The following SLC5A4 variants were observed in gnomAD, a reference collection of about 807,000 sequenced individuals.
The protein encoded by SLC5A4 is probable glucose sensor protein SLC5A4.
A neutral mutation model predicts 70.3 loss-of-function variants in SLC5A4; 55 were observed. The ratio of observed to expected loss-of-function variants is 0.78; its 90% CI spans 0.63 to 0.98. The LOEUF is 0.98. Ranked by LOEUF, SLC5A4 falls within the 50% of genes least tolerant of loss-of-function variation. The pLI is 0.00. For synonymous variants in SLC5A4, 268 were observed against 305.7 expected, an observed-to-expected ratio of 0.88 and a Z score of 1.29; for missense variants, 735 against 839.2, an observed-to-expected ratio of 0.88 and a Z score of 1.53.
the SLC5A4 span, among the ~76,000 whole-genome samples, chr22:32,287,135 T>A: frequency 6.6e-6 from 1 of 152,200 alleles, no homozygotes; most frequent in Non-Finnish European, 1.5e-5. Flanking sequence ...TTTAAGGACA[T>A]TGTATTACAA....
the SLC5A4 span, chr22:32,273,476 G>A: frequency 6.3e-6 from 1 of 158,606 alleles, no homozygotes. Flanking sequence ...AGTGATAGAC[G>A]CCTTTTCTAA....
the SLC5A4 span, chr22:32,327,128 C>A: frequency 6.6e-6 from 1 of 152,234 alleles, no homozygotes; most frequent in African/African-American, 2.4e-5. Flanking sequence ...ACATAATACC[C>A]AAGAGAGATG....
the SLC5A4 span, among the ~76,000 whole-genome samples, chr22:32,349,236 G>T: frequency 6.6e-6 from 1 of 151,372 alleles, no homozygotes; most frequent in Non-Finnish European, 1.5e-5. Context: ...GCCTCCCAAG[G>T]TGCTGGGATT....
the SLC5A4 span, among the ~76,000 whole-genome samples, chr22:32,315,247 A>G: frequency 6.6e-6 from 1 of 151,090 alleles, no homozygotes; most frequent in African/African-American, 2.4e-5. Context: ...AAGCCAATCT[A>G]AAGATTATGA....
the SLC5A4 span, among the ~76,000 whole-genome samples, chr22:32,324,978 G>C: frequency 2.0e-5 from 3 of 152,384 alleles, no homozygotes; most frequent in Admixed American, 6.5e-5. Context: ...TGTGAGTGCA[G>C]GAAGCTGTTC....
intron 3 of SLC5A4, among the ~76,000 whole-genome samples, chr22:32,251,149 C>CAAAAAAAAAAAAAAAAAAAAAAAAAAAAA (rs1169115054): frequency 3.1e-4 from 7 of 22,764 alleles, no homozygotes; most frequent in South Asian, 2.8e-3. Context: ...AACAAATAAG[C>CAAAAAAAAAAAAAAAAAAAAAAAAAAAAA]AAAAAAAAAA....
chr22:32,294,536 T>C, the SLC5A4 span, among the ~76,000 whole-genome samples: 671 of 152,180 alleles, frequency 4.4e-3, 7 homozygotes, highest in African/African-American at 0.016. Flanking sequence ...TGTGGCTCTT[T>C]GAGAGCCACA....
the SLC5A4 span, among the ~76,000 whole-genome samples, chr22:32,330,890 TGGGGGCTCTCCTGTGTGTGTGTGTGTTG>T: frequency 1.9e-4 from 20 of 104,210 alleles, no homozygotes; most frequent in South Asian, 7.2e-4. Flanking sequence ...GTAGGAGTGT[TGGGGGCTCTCCTGTGTGTGTGTGTGTTG>T]GAGGCCTCTG....
At chr22:32,269,746 G>A in the SLC5A4 span, 2 of 640,728 alleles carry the variant, frequency 3.1e-6, no homozygotes, top group South Asian at 2.8e-5. The surrounding 1 kb of genome is among the most constrained non-coding windows in gnomAD (Gnocchi z 4.1). Flanking sequence ...TTCCCGCTGT[G>A]CACCCAGCTG....
At chr22:32,238,910 T>A in intron 6 of SLC5A4, 75 bp downstream of exon 6, 1 of 1,001,024 alleles carries the variant, frequency 1.0e-6, no homozygotes, top group Non-Finnish European at 1.6e-6. Flanking sequence ...AGGTTAACAC[T>A]GAGAATGCTA....
At chr22:32,318,844 CTTTTCA>C in the SLC5A4 span, among the ~76,000 whole-genome samples, 8 of 152,196 alleles carry the variant, frequency 5.3e-5, no homozygotes, top group African/African-American at 1.9e-4. Flanking sequence ...CACTCTTTTC[CTTTTCA>C]TTCTCTCCAC....
chr22:32,331,356 G>A, the SLC5A4 span, among the ~76,000 whole-genome samples: 1 of 152,020 alleles, frequency 6.6e-6, no homozygotes, highest in African/African-American at 2.4e-5. Flanking sequence ...CAAGAAAAAC[G>A]CCGCTGGCGA....
the SLC5A4 span, among the ~76,000 whole-genome samples, chr22:32,342,234 C>A: frequency 6.6e-6 from 1 of 152,314 alleles, no homozygotes; most frequent in East Asian, 1.9e-4. Context: ...GAACCTCTTC[C>A]TTTTGATTTC....
chr22:32,269,516 G>A, the SLC5A4 span: 1 of 600,344 alleles, frequency 1.7e-6, no homozygotes, highest in Non-Finnish European at 3.2e-6. This position sits in a 1 kb window ranked among gnomAD's most constrained non-coding sequence, Gnocchi z 4.1. Flanking sequence ...TGTGTGGCAG[G>A]ACACGTGCTC....
chr22:32,275,978 C>T, the SLC5A4 span, among the ~76,000 whole-genome samples: 4 of 152,184 alleles, frequency 2.6e-5, no homozygotes, highest in African/African-American at 4.8e-5. Flanking sequence ...TGATAATGAG[C>T]ATTTTTTCAC....
At chr22:32,239,772 C>T (rs1219969846) in intron 5 of SLC5A4, among the ~76,000 whole-genome samples, 1 of 148,354 alleles carries the variant, frequency 6.7e-6, no homozygotes, top group Non-Finnish European at 1.5e-5. Context: ...CACCTGGAAT[C>T]CCAGCACTTT....
At chr22:32,352,394 G>A in the SLC5A4 span, among the ~76,000 whole-genome samples, 1 of 147,502 alleles carries the variant, frequency 6.8e-6, no homozygotes, top group Non-Finnish European at 1.5e-5. Flanking sequence ...TTGTGCTCAT[G>A]TACCCCAGAA....
At chr22:32,238,084 G>C (rs1280306168) in intron 6 of SLC5A4, among the ~76,000 whole-genome samples, 1 of 152,082 alleles carries the variant, frequency 6.6e-6, no homozygotes, top group Non-Finnish European at 1.5e-5. Flanking sequence ...GGAACTGTTG[G>C]AAGACATTAT....
At chr22:32,286,000 T>C in the SLC5A4 span, among the ~76,000 whole-genome samples, 1 of 152,172 alleles carries the variant, frequency 6.6e-6, no homozygotes, top group East Asian at 1.9e-4. Flanking sequence ...CCTCCCAAAG[T>C]GCTGTGATTA....
Sources: gnomAD v4.1 joint callset for allele counts (sites outside exome capture counted in the v4.1 genomes callset) on GRCh38, gnomAD v4.1.1 for gene constraint, Gnocchi (gnomAD v3.1) non-coding constraint, MANE v1.5 for transcripts, NCBI Gene and HGNC (gene_info 2026-07-23, HGNC 2026-07-21) for gene names.